Variants in CTBS observed in about 807,000 individuals in gnomAD.
CTBS encodes the protein chitobiase, also known as di-N-acetylchitobiase.
In CTBS, 35 loss-of-function variants were observed where a neutral mutation model predicts 44.3. The observed-to-expected ratio is 0.79, with a 90% CI of 0.60 to 1.05. The LOEUF (loss-of-function observed/expected upper bound fraction) is 1.05, where lower values mean the gene tolerates loss of function less well. Ranked by LOEUF, CTBS falls within the 50% of genes least tolerant of loss-of-function variation. The pLI, the probability that CTBS is intolerant of heterozygous loss-of-function variation, is 0.00. For missense variants in CTBS, 458 were observed against 475.3 expected (o/e 0.96, Z 0.34); for synonymous variants, 143 against 168.0 (o/e 0.85, Z 1.15).
intron 6 of CTBS, among the ~76,000 whole-genome samples, chr1:84,556,805 A>G (rs1684445343): frequency 6.6e-6 from 1 of 152,100 alleles, no homozygotes; most frequent in East Asian, 1.9e-4. Flanking sequence ...ACTAATTGTA[A>G]TCAAGCATAT....
rs1255502277 is a variant in CTBS, at chr1:84,570,158, T to A, written c.317-19A>T. 6.3e-7 allele frequency: 1 copy of A among 1,588,446 alleles called. No homozygotes were observed. Among genetic ancestry groups the A allele is most frequent in the Admixed American group, 1.8e-5 (1 of 55,826 alleles). ...ACATCTCCTGTGGAAGAAGTATATA[T>A]CTTTTGAACATGTATGCAAAAACAT... is the stretch of plus-strand genomic sequence containing the variant. On this transcript the variant is annotated intron_variant, in intron 2 of 6. Transcript: ENST00000370630.
intron 3 of CTBS, 48 bp downstream of exon 3, chr1:84,569,866 ATACCCTCATGAGTATAT>A: frequency 1.6e-6 from 2 of 1,288,144 alleles, no homozygotes; most frequent in Non-Finnish European, 2.2e-6. Flanking sequence ...TATATTAGTT[ATACCCTCATGAGTATAT>A]TCTGATATGG....
In CTBS at chr1:84,550,683, A is replaced by C; in HGVS notation, c.*4316T>G. ...AACAGTAAAGAGCATAGGTGAAAAAAAAAATGCAGGAAGAAAAACTAAACC... is the reference window on the plus strand; with the variant it reads ...AACAGTAAAGAGCATAGGTGAAAAACAAAATGCAGGAAGAAAAACTAAACC... On this transcript the variant is annotated 3_prime_UTR_variant, in exon 7 of 7. Coordinates refer to ENST00000370630, the MANE Select transcript of CTBS (RefSeq NM_004388.3). The C allele has an allele frequency of 8.3e-7, 1 of 1,205,270 alleles. No homozygotes were observed. The highest frequency in any genetic ancestry group is 4.1e-5 in the South Asian group (1 of 24,470). 74.7% of individuals were successfully genotyped at this position (1,205,270 alleles called of 1,614,324 possible). A position where few individuals can be genotyped will look rare whatever the true frequency, so the allele number is the denominator to read the frequency against.
In CTBS at chr1:84,554,884, C is replaced by CT. The variant is rs943518172; in HGVS notation, c.*114dup. ...CAAACAATCAAAACATTTATTTATT[C>CT]TTTTTTTTTAGTATACGGATAACAA... On this transcript the variant is annotated 3_prime_UTR_variant, in exon 7 of 7. Coordinates refer to ENST00000370630, the MANE Select transcript of CTBS (RefSeq NM_004388.3). The CT allele has an allele frequency of 3.6e-4, 268 of 747,480 alleles. No individual in the cohort carries two copies. Among genetic ancestry groups the CT allele is most frequent in the Non-Finnish European group, 4.6e-4 (219 of 475,686 alleles). 46.3% of individuals were successfully genotyped at this position (747,480 alleles called of 1,614,324 possible).
At chr1:84,560,100 AGAAAGAAAGAAAG>A (rs1558625634) in intron 6 of CTBS, among the ~76,000 whole-genome samples, 3 of 17,080 alleles carry the variant, frequency 1.8e-4, no homozygotes, top group African/African-American at 3.7e-4. Flanking sequence ...AAAAAAAAAA[AGAAAGAAAGAAAG>A]AAAGAAAGAA....
chr1:84,562,064 T>C (rs1684606101), intron 6 of CTBS, among the ~76,000 whole-genome samples: 1 of 152,228 alleles, frequency 6.6e-6, no homozygotes, highest in Admixed American at 6.5e-5. Flanking sequence ...TTCTAAGAAC[T>C]GCATGTTTCT....
intron 3 of CTBS, among the ~76,000 whole-genome samples, chr1:84,567,624 A>G (rs189201722): frequency 6.6e-6 from 1 of 152,202 alleles, no homozygotes; most frequent in Non-Finnish European, 1.5e-5. Flanking sequence ...TTCTGTGACC[A>G]CAATTCTGTA....
chr1:84,558,281 C>T (rs891963776), intron 6 of CTBS, among the ~76,000 whole-genome samples: 9 of 150,344 alleles, frequency 6.0e-5, no homozygotes, highest in African/African-American at 2.0e-4. Context: ...ATAATTTTTG[C>T]CTGCCATTAA....
chr1:84,562,356 C>T (rs924133477), intron 6 of CTBS, among the ~76,000 whole-genome samples: 2 of 151,776 alleles, frequency 1.3e-5, no homozygotes. Context: ...TAGGTATATA[C>T]TTTCAGTTCC....
intron 6 of CTBS, among the ~76,000 whole-genome samples, chr1:84,561,387 G>A (rs556488386): frequency 6.6e-6 from 1 of 152,304 alleles, no homozygotes; most frequent in East Asian, 1.9e-4. Flanking sequence ...AATAGATGAG[G>A]AGCTACTTCT....
At chr1:84,570,991 T>C (rs571448242) in intron 1 of CTBS, among the ~76,000 whole-genome samples, 1 of 152,198 alleles carries the variant, frequency 6.6e-6, no homozygotes, top group Admixed American at 6.5e-5. Flanking sequence ...ATATTTAGTA[T>C]GGCCGACGTC....
chr1:84,560,221 A>G (rs1268957960), intron 6 of CTBS, among the ~76,000 whole-genome samples: 2 of 152,172 alleles, frequency 1.3e-5, no homozygotes, highest in African/African-American at 4.8e-5. Context: ...AACCAGCCAT[A>G]AAGTCTAAAA....
rs900761700 is a variant in CTBS, at chr1:84,570,868, T to C, written c.178-148A>G. On this transcript the variant is annotated intron_variant, in intron 1 of 6. Coordinates refer to ENST00000370630, the MANE Select transcript of CTBS (RefSeq NM_004388.3). ...TAAGACATAGGGGTCCCAAGATAAT[T>C]GGTGGCAGGGGTAATTAGCCAGGCT... 12 of 669,238 alleles carry C rather than the reference T, an allele frequency of 1.8e-5. No individual in the cohort carries two copies. The African/African-American group carries it at 2.0e-4, about 11-fold the overall frequency. The allele number at this position is 669,238 out of a possible 1,614,324, so 41.5% of individuals were successfully genotyped here. A position where few individuals can be genotyped will look rare whatever the true frequency, so the allele number is the denominator to read the frequency against.
At chr1:84,562,494 A>C (rs1471862675) in intron 6 of CTBS, among the ~76,000 whole-genome samples, 1 of 152,252 alleles carries the variant, frequency 6.6e-6, no homozygotes, top group Non-Finnish European at 1.5e-5. Flanking sequence ...TTAATTAAGC[A>C]TATAAATCCT....
At chr1:84,570,351 A>G (rs1412836360) in intron 2 of CTBS, among the ~76,000 whole-genome samples, 2 of 152,250 alleles carry the variant, frequency 1.3e-5, no homozygotes, top group African/African-American at 4.8e-5. Context: ...GATTAAGTAA[A>G]GGTCATAAGG....
At chr1:84,560,083 CAA>C (rs751117358) in intron 6 of CTBS, among the ~76,000 whole-genome samples, 1 of 61,352 alleles carries the variant, frequency 1.6e-5, no homozygotes, top group Non-Finnish European at 3.2e-5. Flanking sequence ...GACTCTGTCT[CAA>C]AAAAAAAAAA....
chr1:84,569,841 C>G, intron 3 of CTBS, 90 bp downstream of exon 3: 1 of 1,160,888 alleles, frequency 8.6e-7, no homozygotes, highest in Non-Finnish European at 1.2e-6. Context: ...CATTGCATTA[C>G]TATAAAACAA....
chr1:84,567,785 T>C (rs1330035944), intron 3 of CTBS, among the ~76,000 whole-genome samples: 6 of 152,188 alleles, frequency 3.9e-5, no homozygotes, highest in Non-Finnish European at 5.9e-5. Flanking sequence ...TCCCTTTGGG[T>C]GGCATCTCAC....
rs1042958365 is a variant in CTBS at position 84,550,650 on chromosome 1, GTTACC to G, written c.*4344_*4348del. The G allele has an allele frequency of 1.3e-5, 17 of 1,264,372 alleles. No individual in the cohort carries two copies. The highest frequency in any genetic ancestry group is 1.6e-5 in the Non-Finnish European group (16 of 997,254). 78.3% of individuals were successfully genotyped at this position (1,264,372 alleles called of 1,614,324 possible). A position where few individuals can be genotyped will look rare whatever the true frequency, so the allele number is the denominator to read the frequency against. Reference sequence around the variant, plus strand: ...AGCCAGGATTGACTGTATTAAAATTGTTACCTTAACAGTAAAGAGCATAGGTGAAA... The same window carrying G: ...AGCCAGGATTGACTGTATTAAAATTGTTAACAGTAAAGAGCATAGGTGAAA... On this transcript the variant is annotated 3_prime_UTR_variant, in exon 7 of 7. Coordinates refer to ENST00000370630, the MANE Select transcript of CTBS (RefSeq NM_004388.3).
Sources: gnomAD v4.1 joint callset for allele counts (sites outside exome capture counted in the v4.1 genomes callset) on GRCh38, gnomAD v4.1.1 for gene constraint, MANE v1.5 for transcripts, NCBI Gene and HGNC (gene_info 2026-07-23, HGNC 2026-07-21) for gene names.